The following ADAM7 variants were observed in gnomAD, a reference collection of about 807,000 sequenced individuals.
ADAM7 encodes the protein ADAM metallopeptidase domain 7.
In ADAM7, 97 loss-of-function variants were observed where a neutral mutation model predicts 102.9. That is an observed-to-expected ratio of 0.94 (90% CI 0.80 to 1.12). ADAM7 has a LOEUF of 1.12. ADAM7 is among the 50% of genes most tolerant of loss of function. The probability of loss-of-function intolerance (pLI) is 0.00; values close to 1 mark genes in which losing one functional copy is unlikely to be tolerated. For synonymous variants in ADAM7, 334 were observed against 304.4 expected (o/e 1.10, Z -1.01); for missense variants, 991 against 908.7 (o/e 1.09, Z -1.16).
chr8:24,452,099 T>C (rs1436189494), intron 3 of ADAM7, among the ~76,000 whole-genome samples: 2 of 151,688 alleles, frequency 1.3e-5, no homozygotes, highest in Non-Finnish European at 3.0e-5. Context: ...ATAGGTGTGG[T>C]GTGGTGCTGA....
At chr8:24,458,206 T>G (rs1819109539) in intron 3 of ADAM7, among the ~76,000 whole-genome samples, 2 of 152,212 alleles carry the variant, frequency 1.3e-5, no homozygotes, top group Admixed American at 1.3e-4. Flanking sequence ...CCTGGCAATT[T>G]CTATTAAAAG....
intron 9 of ADAM7, among the ~76,000 whole-genome samples, chr8:24,483,491 G>A (rs1050651773): frequency 1.3e-5 from 2 of 152,080 alleles, no homozygotes; most frequent in African/African-American, 4.8e-5. Context: ...TTATTTAGAC[G>A]TTGACTTTCA....
chr8:24,455,470 A>C (rs543032759), intron 3 of ADAM7, among the ~76,000 whole-genome samples: 7 of 152,306 alleles, frequency 4.6e-5, no homozygotes, highest in African/African-American at 1.7e-4. Context: ...TGGCACAGTC[A>C]TGGCTCACTG....
intron 7 of ADAM7, among the ~76,000 whole-genome samples, chr8:24,471,465 G>GC (rs1819599524): frequency 6.8e-6 from 1 of 146,544 alleles, no homozygotes; most frequent in South Asian, 2.1e-4. Context: ...AGTGTACCAG[G>GC]TTTTTTTTTT....
At chr8:24,465,346 C>A (rs1350971449) in intron 4 of ADAM7, among the ~76,000 whole-genome samples, 1 of 152,002 alleles carries the variant, frequency 6.6e-6, no homozygotes, top group Non-Finnish European at 1.5e-5. Flanking sequence ...AACAGAGAGG[C>A]TGGAGAGAAA....
In ADAM7 at chr8:24,463,974, C is replaced by T. The variant is rs1277375057; in HGVS notation, c.312+14C>T. 1.9e-6 allele frequency: 3 copies of T among 1,598,442 alleles called. No individual in the cohort carries two copies. Among genetic ancestry groups the T allele is most frequent in the African/African-American group, 2.7e-5 (2 of 74,560 alleles). ...CCTCAGATCATGGTATCTTATGGAACTTTACTGTGTCTCTTCTCTAAAAGC... is the reference window on the plus strand; with the variant it reads ...CCTCAGATCATGGTATCTTATGGAATTTTACTGTGTCTCTTCTCTAAAAGC... On this transcript the variant is annotated intron_variant, in intron 4 of 21. Coordinates refer to ENST00000175238, the MANE Select transcript of ADAM7 (RefSeq NM_003817.4).
intron 3 of ADAM7, among the ~76,000 whole-genome samples, chr8:24,452,898 C>T (rs1818855481): frequency 6.7e-6 from 1 of 149,344 alleles, no homozygotes; most frequent in South Asian, 2.1e-4. Flanking sequence ...TTTATTTCTC[C>T]TTCACTTATG....
chr8:24,489,223 A>C lies in ADAM7; in HGVS notation c.1156A>C (p.Lys386Gln), dbSNP rs749514722. Residue 386 changes from lysine (K) to glutamine (Q), a missense_variant, in exon 12 of 22, where the codon AAG becomes CAG. Physicochemically the swap from Lys to Gln is moderately conservative, Grantham distance 53. Transcript: ENST00000175238. ...NQYHQYLKDY[K>Q]PTCMLNIPFP... ...ATACCACCAGTACTTGAAGGATTAT[A>C]AGCCAACATGCATGCTCAACATTCC... 78 of 1,613,646 alleles carry C rather than the reference A, an allele frequency of 4.8e-5. 1 individual carries two copies. Among genetic ancestry groups the C allele is most frequent in the Non-Finnish European group, 6.5e-5 (77 of 1,179,728 alleles).
chr8:24,500,462 T>C (rs1013251555), intron 18 of ADAM7, among the ~76,000 whole-genome samples: 1 of 152,194 alleles, frequency 6.6e-6, no homozygotes, highest in Non-Finnish European at 1.5e-5. Context: ...TAGTCTCTTC[T>C]AGCTAAATTA....
At chr8:24,442,434 A>T in intron 1 of ADAM7, 39 bp from the exon 2 acceptor site, 1 of 1,378,858 alleles carries the variant, frequency 7.3e-7, no homozygotes, top group Non-Finnish European at 1.0e-6. Context: ...GACGAATGTT[A>T]ATGTCAGACG....
At chr8:24,455,295 A>G (rs1261072952) in intron 3 of ADAM7, among the ~76,000 whole-genome samples, 1 of 152,280 alleles carries the variant, frequency 6.6e-6, no homozygotes, top group East Asian at 1.9e-4. Flanking sequence ...CCATTCATCC[A>G]TCAATCCATT....
At chr8:24,447,723 T>C (rs1453188232) in intron 3 of ADAM7, among the ~76,000 whole-genome samples, 1 of 152,170 alleles carries the variant, frequency 6.6e-6, no homozygotes, top group Admixed American at 6.5e-5. Context: ...GCAATGTCTA[T>C]AACTTTCTTC....
intron 1 of ADAM7, 71 bp from the exon 2 acceptor site, chr8:24,442,402 A>G: frequency 9.6e-7 from 1 of 1,037,706 alleles, no homozygotes; most frequent in Non-Finnish European, 1.5e-6. Flanking sequence ...TATTAGAACA[A>G]TTCTGTTTTT....
Position 24,500,273 on chromosome 8 carries a change from A to G in ADAM7, c.2002+17A>G, listed in dbSNP as rs746524830. 12 of 1,594,782 alleles carry G rather than the reference A, an allele frequency of 7.5e-6. No individual in the cohort carries two copies. The South Asian group carries it at 1.2e-4, about 16-fold the overall frequency. On this transcript the variant is annotated intron_variant, in intron 18 of 21. Coordinates refer to ENST00000175238, the MANE Select transcript of ADAM7 (RefSeq NM_003817.4). ...ATGTTACCAGTGAGCATCCTAAAAC[A>G]AAATCTTTCATATATCAAAAGCCTA... is the stretch of plus-strand genomic sequence containing the variant.
intron 16 of ADAM7, among the ~76,000 whole-genome samples, chr8:24,493,447 G>A (rs1820439839): frequency 1.3e-5 from 2 of 151,708 alleles, no homozygotes; most frequent in South Asian, 4.2e-4. Flanking sequence ...TGTTACAGAT[G>A]TGCTTAATTA....
rs917764546 is a variant in ADAM7, at chr8:24,447,081, T to G, written c.157-105T>G. 9 of 528,964 alleles carry G rather than the reference T, an allele frequency of 1.7e-5. No individual in the cohort carries two copies. In the African/African-American group the frequency reaches 1.7e-4, roughly 10 times the overall value. 32.8% of individuals were successfully genotyped at this position (528,964 alleles called of 1,614,324 possible). ...TATTTTGCATTTTGGCTGAAAGGAC[T>G]GCTGGGTGGATTGGAGATAGGGAAC... is the stretch of plus-strand genomic sequence containing the variant. On this transcript the variant is annotated intron_variant, in intron 2 of 21. Transcript: ENST00000175238.
At chr8:24,497,944 T>C (rs184638812) in intron 16 of ADAM7, among the ~76,000 whole-genome samples, 2 of 152,222 alleles carry the variant, frequency 1.3e-5, no homozygotes, top group East Asian at 3.9e-4. Context: ...CCTAAAACTA[T>C]ATTTACAGCC....
chr8:24,454,436 T>A (rs1198588943), intron 3 of ADAM7, among the ~76,000 whole-genome samples: 8 of 152,176 alleles, frequency 5.3e-5, no homozygotes, highest in Non-Finnish European at 1.2e-4. Flanking sequence ...CAAGACTCCA[T>A]GGGCGTAAGA....
intron 2 of ADAM7, among the ~76,000 whole-genome samples, chr8:24,446,686 A>G (rs1818570678): frequency 1.3e-5 from 2 of 151,920 alleles, no homozygotes; most frequent in South Asian, 4.1e-4. Context: ...GTAGACGAAA[A>G]AACAGTATGT....
Sources: allele counts gnomAD v4.1 joint callset (sites outside exome capture counted in the v4.1 genomes callset), GRCh38; gene constraint gnomAD v4.1.1; transcripts MANE v1.5; gene names NCBI Gene and HGNC (gene_info 2026-07-23, HGNC 2026-07-21).